The following MAN2A1 variants were observed in gnomAD, a reference collection of about 807,000 sequenced individuals.
The protein encoded by MAN2A1 is mannosidase alpha class 2A member 1, also known as alpha-mannosidase 2.
A neutral mutation model predicts 142.6 loss-of-function variants in MAN2A1; 76 were observed. That is an observed-to-expected ratio of 0.53 (90% CI 0.44 to 0.65). The LOEUF is 0.65. Ranked by LOEUF, MAN2A1 falls within the 30% of genes least tolerant of loss-of-function variation. MAN2A1 has a pLI of 0.00. For missense variants in MAN2A1, 1,311 were observed against 1,365.1 expected (o/e 0.96, Z 0.62); for synonymous variants, 559 against 473.2 (o/e 1.18, Z -2.35).
intron 12 of MAN2A1, among the ~76,000 whole-genome samples, chr5:109,811,797 C>G (rs1561524201): frequency 6.6e-6 from 1 of 152,134 alleles, no homozygotes; most frequent in Non-Finnish European, 1.5e-5. Flanking sequence ...ACATACCATA[C>G]AGCATCTTTC....
chr5:109,808,865 G>A (rs1211082796), intron 12 of MAN2A1, among the ~76,000 whole-genome samples: 3 of 151,878 alleles, frequency 2.0e-5, no homozygotes, highest in Admixed American at 6.6e-5. Flanking sequence ...CACCATGCTG[G>A]CTAATTTTTG....
At chr5:109,691,731 G>A (rs144748709) in intron 1 of MAN2A1, among the ~76,000 whole-genome samples, 1 of 152,154 alleles carries the variant, frequency 6.6e-6, no homozygotes, top group South Asian at 2.1e-4. Context: ...TTGTCGGTGA[G>A]AGGTTTTAAA....
intron 20 of MAN2A1, among the ~76,000 whole-genome samples, chr5:109,860,509 C>T (rs932168498): frequency 2.0e-5 from 3 of 152,140 alleles, no homozygotes; most frequent in Non-Finnish European, 4.4e-5. Flanking sequence ...CCTTACTAAC[C>T]GTGTGAAGAG....
intron 4 of MAN2A1, among the ~76,000 whole-genome samples, chr5:109,735,730 C>T (rs1752072740): frequency 6.6e-6 from 1 of 152,136 alleles, no homozygotes; most frequent in Admixed American, 6.6e-5. Context: ...AATGAGTGAA[C>T]ATTGAATTTT....
intron 1 of MAN2A1, among the ~76,000 whole-genome samples, chr5:109,706,036 C>T (rs564341059): frequency 6.6e-6 from 1 of 152,338 alleles, no homozygotes; most frequent in South Asian, 2.1e-4. Context: ...TCACAGATTT[C>T]AGGGATTATT....
intron 8 of MAN2A1, among the ~76,000 whole-genome samples, chr5:109,779,572 C>T (rs1251961076): frequency 2.9e-5 from 3 of 101,988 alleles, no homozygotes; most frequent in African/African-American, 4.1e-5. Flanking sequence ...CGTGCACACA[C>T]ACACACACAC....
At chr5:109,749,802 G>GAA (rs1752499250) in intron 4 of MAN2A1, among the ~76,000 whole-genome samples, 1 of 151,936 alleles carries the variant, frequency 6.6e-6, no homozygotes, top group Non-Finnish European at 1.5e-5. Flanking sequence ...GCTTGTCAGA[G>GAA]AAATAGTTCA....
chr5:109,812,147 C>A (rs2112713995), intron 12 of MAN2A1, among the ~76,000 whole-genome samples: 1 of 152,206 alleles, frequency 6.6e-6, no homozygotes, highest in South Asian at 2.1e-4. Context: ...AGGTGGTTTT[C>A]TAAACATTTT....
Position 109,774,860 on chromosome 5 carries a change from AG to A in MAN2A1, c.1271del (p.Gly424GlufsTer26). On this transcript the variant is annotated frameshift_variant, in exon 8 of 22. Transcript: ENST00000261483. LOFTEE classifies it high-confidence loss of function. Reference protein sequence around the residue: ...FRTKVLLAPLGDDFRYCEYTE... With the variant: ...FRTKVLLAPLXDDFRYCEYTE... The stretch of plus-strand genomic sequence containing the variant: ...GTACCAAAGTTCTCCTGGCTCCACT[AG>A]GAGATGATTTCCGCTACTGTGAATA... 6.2e-7 allele frequency: 1 copy of A among 1,612,598 alleles called. No homozygotes were observed. Among genetic ancestry groups the A allele is most frequent in the Non-Finnish European group, 8.5e-7 (1 of 1,179,130 alleles).
At chr5:109,703,365 G>A (rs1221254158) in intron 1 of MAN2A1, among the ~76,000 whole-genome samples, 1 of 152,180 alleles carries the variant, frequency 6.6e-6, no homozygotes, top group South Asian at 2.1e-4. Flanking sequence ...ACAAAGATAA[G>A]CATTTGTCAA....
At chr5:109,854,326 C>G (rs866409225) in intron 19 of MAN2A1, 6 of 152,086 alleles carry the variant, frequency 3.9e-5, no homozygotes, top group African/African-American at 1.4e-4. Flanking sequence ...ATTTAATCTA[C>G]CAACATTAGT....
intron 4 of MAN2A1, among the ~76,000 whole-genome samples, chr5:109,731,709 G>A (rs1426705447): frequency 6.6e-6 from 1 of 151,772 alleles, no homozygotes; most frequent in Non-Finnish European, 1.5e-5. Flanking sequence ...TTTTATGGCT[G>A]CATAGTATTC....
At chr5:109,851,116 A>G (rs1755471021) in intron 19 of MAN2A1, among the ~76,000 whole-genome samples, 1 of 152,196 alleles carries the variant, frequency 6.6e-6, no homozygotes, top group Admixed American at 6.6e-5. Context: ...CCTCATGGAA[A>G]TAATCCCGAG....
chr5:109,712,426 A>T (rs991225892), intron 1 of MAN2A1, among the ~76,000 whole-genome samples: 3 of 152,062 alleles, frequency 2.0e-5, no homozygotes, highest in Admixed American at 6.5e-5. Flanking sequence ...TATATTTCTA[A>T]ATTTTCAGTG....
intron 8 of MAN2A1, among the ~76,000 whole-genome samples, chr5:109,776,784 T>C (rs1228336004): frequency 6.6e-6 from 1 of 152,166 alleles, no homozygotes; most frequent in African/African-American, 2.4e-5. Flanking sequence ...ACCACTACTT[T>C]CACATCTGTC....
At chr5:109,806,755 G>A (rs1754176511) in intron 12 of MAN2A1, among the ~76,000 whole-genome samples, 1 of 152,172 alleles carries the variant, frequency 6.6e-6, no homozygotes, top group Non-Finnish European at 1.5e-5. Context: ...AGGTACTGTG[G>A]TCATACTGTT....
At chr5:109,759,476 C>T (rs982731637) in intron 5 of MAN2A1, among the ~76,000 whole-genome samples, 2 of 152,004 alleles carry the variant, frequency 1.3e-5, no homozygotes, top group African/African-American at 4.8e-5. Context: ...AATCCATTTC[C>T]TTTTATTATT....
chr5:109,868,288 TG>T lies in MAN2A1; in HGVS notation c.*1291del, dbSNP rs1755931823. The T allele has an allele frequency of 6.6e-6, 1 of 152,218 alleles. No homozygotes were observed. The highest frequency in any genetic ancestry group is 1.5e-5 in the Non-Finnish European group (1 of 68,024). 9.4% of individuals were successfully genotyped at this position (152,218 alleles called of 1,614,324 possible). ...GTTTGTTCATTCAGTTCTCAACTTT[TG>T]TATGTGCTAACCTTAAAGTGAAGTT... On this transcript the variant is annotated 3_prime_UTR_variant, in exon 22 of 22. Coordinates refer to ENST00000261483, the MANE Select transcript of MAN2A1 (RefSeq NM_002372.4).
chr5:109,723,817 T>G (rs1751670803), intron 3 of MAN2A1, among the ~76,000 whole-genome samples: 1 of 152,224 alleles, frequency 6.6e-6, no homozygotes, highest in South Asian at 2.1e-4. Context: ...TATTTGGAAC[T>G]ACCACCCTTT....
Sources: allele counts gnomAD v4.1 joint callset (sites outside exome capture counted in the v4.1 genomes callset), GRCh38; gene constraint gnomAD v4.1.1; transcripts MANE v1.5; gene names NCBI Gene and HGNC (gene_info 2026-07-23, HGNC 2026-07-21).